Variants in NLRC3 observed in about 807,000 individuals in gnomAD.
NLRC3 encodes NLR family CARD domain-containing protein 3.
In NLRC3, 87 loss-of-function variants were observed where a neutral mutation model predicts 91.6. The ratio of observed to expected loss-of-function variants is 0.95; its 90% CI spans 0.80 to 1.14. NLRC3 has a LOEUF of 1.14. Among genes scored for constraint, NLRC3 ranks in the 50% most tolerant of loss-of-function variants. The probability of loss-of-function intolerance (pLI) is 0.00; values close to 1 mark genes in which losing one functional copy is unlikely to be tolerated. For synonymous variants in NLRC3, 694 were observed against 625.3 expected (o/e 1.11, Z -1.64); for missense variants, 1,577 against 1,418.6 (o/e 1.11, Z -1.79).
intron 17 of NLRC3, 121 bp from the exon 18 acceptor site, chr16:3,542,896 G>A: frequency 1.5e-6 from 1 of 661,344 alleles, no homozygotes; most frequent in Non-Finnish European, 2.7e-6. Flanking sequence ...GTCACAGGAG[G>A]CCAGGGCTGT....
chr16:3,563,192 CT>C lies in NLRC3; in HGVS notation c.1744del (p.Ser582AlafsTer14). The C allele has an allele frequency of 6.3e-7, 1 of 1,595,712 alleles. No homozygotes were observed. Among genetic ancestry groups the C allele is most frequent in the Non-Finnish European group, 8.5e-7 (1 of 1,173,608 alleles). ...CCCGCTCTCCATGGCCTCCTCCACG[CT>C]GCGGGCCAGCTCGGTGTGCTGCAGC... Reference protein sequence around the residue: ...HELQHTELARSVEEAMESGAL... With the variant: ...HELQHTELARXVEEAMESGAL... On this transcript the variant is annotated frameshift_variant, in exon 5 of 20. Transcript: ENST00000359128. LOFTEE classifies it high-confidence loss of function.
At chr16:3,553,659 T>C (rs1451555328) in intron 9 of NLRC3, among the ~76,000 whole-genome samples, 6 of 152,150 alleles carry the variant, frequency 3.9e-5, no homozygotes, top group South Asian at 2.1e-4. Flanking sequence ...ATAATTGTTG[T>C]ATTCTTTCCT....
At position 3,563,864 on chromosome 16, in the gene NLRC3, C is replaced by T. The variant is rs1276836903; in HGVS notation, c.1073G>A (p.Arg358Lys). The T allele has an allele frequency of 6.2e-7, 1 of 1,603,982 alleles. No homozygotes were observed. Among genetic ancestry groups the T allele is most frequent in the South Asian group, 1.1e-5 (1 of 89,746 alleles). The change falls in exon 5 of 20, where the codon AGG becomes AAG. Residue 358 changes from arginine (R) to lysine (K), a missense_variant. Transcript: ENST00000359128. ...CCATGAGTAGAGCTCGCACAGGGTC[C>T]TCGGGGGCCACAGCTCTGCATCCTG... is the stretch of plus-strand genomic sequence containing the variant. ...GPQDAELWPP[R>K]TLCELYSWYF...
chr16:3,556,222 T>C lies in NLRC3; in HGVS notation c.2183+689A>G, dbSNP rs1387932440. On this transcript the variant is annotated intron_variant, in intron 8 of 19. Transcript: ENST00000359128. ...GGCAGGAGCCTGTAATCCCAGCTAC[T>C]TGGAAGGCTGAGGCAGGAGAATCGC... Among the ~76,000 whole-genome samples, 5 of 141,882 alleles carry C rather than the reference T, an allele frequency of 3.5e-5. No individual in the cohort carries two copies. The East Asian group carries it at 8.5e-4, about 24-fold the overall frequency. 93.1% of individuals were successfully genotyped at this position (141,882 alleles called of 152,430 possible).
At chr16:3,575,681 C>T (rs1238412480) in intron 1 of NLRC3, among the ~76,000 whole-genome samples, 1 of 152,188 alleles carries the variant, frequency 6.6e-6, no homozygotes, top group African/African-American at 2.4e-5. Flanking sequence ...CAGCAAGTGG[C>T]CTGCTGCCTC....
intron 1 of NLRC3, among the ~76,000 whole-genome samples, chr16:3,569,450 C>T (rs2040020464): frequency 9.0e-6 from 1 of 111,362 alleles, no homozygotes; most frequent in South Asian, 3.5e-4. Flanking sequence ...GTCACCCAGG[C>T]TGGAGTGCAG....
intron 7 of NLRC3, 106 bp from the exon 8 acceptor site, chr16:3,557,100 G>A: frequency 2.6e-6 from 2 of 761,992 alleles, no homozygotes; most frequent in Non-Finnish European, 4.5e-6. Context: ...AAGGGAATGT[G>A]TAAGGGCTTA....
At position 3,544,312 on chromosome 16, in the gene NLRC3, A is replaced by G; in HGVS notation, c.2789T>C (p.Ile930Thr). The G allele has an allele frequency of 1.9e-6, 3 of 1,613,174 alleles. No individual in the cohort carries two copies. The highest frequency in any genetic ancestry group is 2.5e-6 in the Non-Finnish European group (3 of 1,179,266). ...LTSLDLQENA[I>T]GDDGACAVAR... ...CACCGCACACGCTCCGTCATCCCCG[A>G]TGGCGTTCTCCTGTAAACTAGACAC... is the stretch of plus-strand genomic sequence containing the variant. The change falls in exon 16 of 20, where the codon ATC becomes ACC. Residue 930 changes from isoleucine (I) to threonine (T), a missense_variant. Coordinates refer to ENST00000359128, the MANE Select transcript of NLRC3 (RefSeq NM_178844.4).
rs763899871 is a variant in NLRC3, at chr16:3,549,682, G to T, written c.2519+15C>A. On this transcript the variant is annotated intron_variant, in intron 12 of 19. Coordinates refer to ENST00000359128, the MANE Select transcript of NLRC3 (RefSeq NM_178844.4). ...CAAAGAAACGCCCTGTTTGGAGAGG[G>T]TGGCCAGGACTTACCTGAGGCTGAG... The T allele has an allele frequency of 2.5e-5, 39 of 1,542,290 alleles. No homozygotes were observed. Among genetic ancestry groups the T allele is most frequent in the Non-Finnish European group, 3.4e-5 (39 of 1,138,648 alleles).
chr16:3,575,590 C>A (rs1374377589), intron 1 of NLRC3, among the ~76,000 whole-genome samples: 1 of 152,220 alleles, frequency 6.6e-6, no homozygotes, highest in Non-Finnish European at 1.5e-5. Context: ...CCAGGTTTCA[C>A]CCCTAGAGCT....
intron 6 of NLRC3, among the ~76,000 whole-genome samples, chr16:3,558,833 G>A (rs952305963): frequency 6.6e-6 from 1 of 152,140 alleles, no homozygotes; most frequent in African/African-American, 2.4e-5. Context: ...GAGTGCAGTG[G>A]CATGATCATG....
At position 3,551,244 on chromosome 16, in the gene NLRC3, CCACT is replaced by C. The variant is rs559925325; in HGVS notation, c.2352-751_2352-748del. ...TTCATCCATCCATCCACCCACCCAC[CCACT>C]CACTCATTCATTCACTCATTCATTC... On this transcript the variant is annotated intron_variant, in intron 10 of 19. Coordinates refer to ENST00000359128, the MANE Select transcript of NLRC3 (RefSeq NM_178844.4). 6.7e-4 allele frequency among the ~76,000 whole-genome samples: 101 copies of C among 151,308 alleles called. No homozygotes were observed. The East Asian group carries it at 6.9e-3, about 10-fold the overall frequency.
chr16:3,563,190 C>T lies in NLRC3; in HGVS notation c.1747G>A (p.Val583Met), dbSNP rs774299870. The part of the protein sequence containing the change: ...ELQHTELARS[V>M]EEAMESGALA... ...GCCCCGCTCTCCATGGCCTCCTCCA[C>T]GCTGCGGGCCAGCTCGGTGTGCTGC... The change falls in exon 5 of 20, where the codon GTG becomes ATG. Residue 583 changes from valine (V) to methionine (M), a missense_variant. Physicochemically the swap from Val to Met is conservative, Grantham distance 21. Coordinates refer to ENST00000359128, the MANE Select transcript of NLRC3 (RefSeq NM_178844.4). 29 of 1,594,720 alleles carry T rather than the reference C, an allele frequency of 1.8e-5. No individual in the cohort carries two copies. Among genetic ancestry groups the T allele is most frequent in the South Asian group, 3.4e-5 (3 of 88,248 alleles).
intron 15 of NLRC3, among the ~76,000 whole-genome samples, chr16:3,547,516 C>G (rs775266129): frequency 6.6e-6 from 1 of 151,992 alleles, no homozygotes; most frequent in Non-Finnish European, 1.5e-5. Context: ...GAATTGTATA[C>G]TAAGTGGGTG....
intron 6 of NLRC3, among the ~76,000 whole-genome samples, chr16:3,557,955 A>C (rs2039426854): frequency 6.6e-6 from 1 of 152,250 alleles, no homozygotes; most frequent in Non-Finnish European, 1.5e-5. Context: ...CTACACAAAC[A>C]GCACAGCAAA....
intron 1 of NLRC3, among the ~76,000 whole-genome samples, chr16:3,570,664 G>A (rs1238935532): frequency 6.6e-6 from 1 of 152,178 alleles, no homozygotes; most frequent in African/African-American, 2.4e-5. Context: ...GGAGTAGAGA[G>A]GGTGAGAAAG....
In NLRC3 at chr16:3,563,712, G is replaced by A; in HGVS notation, c.1225C>T (p.Leu409Phe). 1 of 1,613,548 alleles carries A rather than the reference G, an allele frequency of 6.2e-7. No homozygotes were observed. Among genetic ancestry groups the A allele is most frequent in the Non-Finnish European group, 8.5e-7 (1 of 1,179,794 alleles). The change falls in exon 5 of 20, where the codon CTC becomes TTC. Residue 409 changes from leucine to phenylalanine, a missense_variant. By Grantham distance (22) the Leu-to-Phe change is conservative. Coordinates refer to ENST00000359128, the MANE Select transcript of NLRC3 (RefSeq NM_178844.4). Reference sequence around the variant, plus strand: ...TCGTAAAACACGTATTTCTTCTTGAGCAGCCCATGGAAGGCCAGACGGCCC... The same window carrying A: ...TCGTAAAACACGTATTTCTTCTTGAACAGCCCATGGAAGGCCAGACGGCCC... ...TLGRLAFHGL[L>F]KKKYVFYEQD... is the part of the protein sequence containing the mutation.
Position 3,549,203 on chromosome 16 carries a change from G to T in NLRC3, c.2542C>A (p.Pro848Thr). 1 of 1,586,230 alleles carries T rather than the reference G, an allele frequency of 6.3e-7. No individual in the cohort carries two copies. Among genetic ancestry groups the T allele is most frequent in the South Asian group, 1.2e-5 (1 of 86,684 alleles). ...SLSLRENSISPEGAQAIAHAL... is the reference protein window; with the variant it reads ...SLSLRENSISTEGAQAIAHAL... Reference sequence around the variant, plus strand: ...TGAGCGATGGCCTGGGCTCCCTCGGGACTGATGGAGTTTTCTCGAAGGCTG... The same window carrying T: ...TGAGCGATGGCCTGGGCTCCCTCGGTACTGATGGAGTTTTCTCGAAGGCTG... The change falls in exon 13 of 20, where the codon CCC (proline) becomes ACC (threonine). Residue 848 changes from proline to threonine, a missense_variant. By Grantham distance (38) the Pro-to-Thr change is conservative. Coordinates refer to ENST00000359128, the MANE Select transcript of NLRC3 (RefSeq NM_178844.4).
Position 3,554,333 on chromosome 16 carries a change from G to A in NLRC3, c.2184-8C>T. The A allele has an allele frequency of 6.2e-7, 1 of 1,608,698 alleles. No individual in the cohort carries two copies. The highest frequency in any genetic ancestry group is 8.5e-7 in the Non-Finnish European group (1 of 1,175,298). Reference sequence around the variant, plus strand: ...ACGGTGTTGCCCTGGAGGCTGCAGAGACAAGAAGAGGCTCATCACTGATGG... The same window carrying A: ...ACGGTGTTGCCCTGGAGGCTGCAGAAACAAGAAGAGGCTCATCACTGATGG... On this transcript the variant is annotated splice_region_variant and splice_polypyrimidine_tract_variant and intron_variant, in intron 8 of 19. Coordinates refer to ENST00000359128, the MANE Select transcript of NLRC3 (RefSeq NM_178844.4).
Sources: allele counts gnomAD v4.1 joint callset (sites outside exome capture counted in the v4.1 genomes callset), GRCh38; gene constraint gnomAD v4.1.1; transcripts MANE v1.5; gene names NCBI Gene and HGNC (gene_info 2026-07-23, HGNC 2026-07-21).